Variants in INTS10 observed in about 807,000 individuals in gnomAD.
The protein encoded by INTS10 is chromosome 8 open reading frame 35.
Under a neutral mutation model 94.4 loss-of-function variants are expected in INTS10, and 44 were observed. That is an observed-to-expected ratio of 0.47 (90% CI 0.37 to 0.60). INTS10 has a LOEUF of 0.60. Ranked by LOEUF, INTS10 falls within the 20% of genes least tolerant of loss-of-function variation. INTS10 has a pLI of 0.00. For missense variants in INTS10, 797 were observed against 868.7 expected, an observed-to-expected ratio of 0.92 and a Z score of 1.04; for synonymous variants, 341 against 320.7, an observed-to-expected ratio of 1.06 and a Z score of -0.68.
chr8:19,824,141 A>G (rs866551796), intron 7 of INTS10, 97 bp downstream of exon 7: 2 of 1,027,820 alleles, frequency 1.9e-6, no homozygotes, highest in Middle Eastern at 4.7e-4. Flanking sequence ...GCGTAGGTAT[A>G]GTTTTTGGGC....
chr8:19,851,464 T>TTAAG lies in INTS10; in HGVS notation c.1977-183_1977-180dup, dbSNP rs1315048373. 6.6e-6 allele frequency among the ~76,000 whole-genome samples: 1 copy of TTAAG among 152,242 alleles called. No homozygotes were observed. The highest frequency in any genetic ancestry group is 2.4e-5 in the African/African-American group (1 of 41,468). On this transcript the variant is annotated intron_variant, in intron 16 of 16. Transcript: ENST00000397977. The surrounding 1 kb of genome is among the most constrained non-coding windows in gnomAD (Gnocchi z 5.0). ...GAGTGAGAAAGATGTCTGTCTAGTT[T>TTAAG]TAAGTCTTTCTGAAGAGAAATGGGC...
At chr8:19,848,391 C>T (rs1233333404) in intron 16 of INTS10, among the ~76,000 whole-genome samples, 1 of 152,202 alleles carries the variant, frequency 6.6e-6, no homozygotes, top group Non-Finnish European at 1.5e-5. Context: ...ATCTGTTATA[C>T]AGACCTTTTG....
chr8:19,823,194 A>T, intron 5 of INTS10, 107 bp from the exon 6 acceptor site: 2 of 809,638 alleles, frequency 2.5e-6, no homozygotes, highest in Non-Finnish European at 4.0e-6. Context: ...TTTTCCCCCT[A>T]TATATTTTAG....
rs2068328719 is a variant in INTS10 at position 19,843,710 on chromosome 8, C to T, written c.1720-366C>T. ...CTGGATGGCCTCTTGCCCACCTACT[C>T]CCATCTGCTCCCTTTCAAAGAAATC... On this transcript the variant is annotated intron_variant, in intron 14 of 16. Coordinates refer to ENST00000397977, the MANE Select transcript of INTS10 (RefSeq NM_018142.4). This position sits in a 1 kb window ranked among gnomAD's most constrained non-coding sequence, Gnocchi z 4.7. Among the ~76,000 whole-genome samples, 1 of 152,218 alleles carries T rather than the reference C, an allele frequency of 6.6e-6. No homozygotes were observed. The highest frequency in any genetic ancestry group is 2.4e-5 in the African/African-American group (1 of 41,458).
At position 19,820,391 on chromosome 8, in the gene INTS10, C is replaced by T. The variant is rs748662144; in HGVS notation, c.314C>T (p.Thr105Ile). Residue 105 changes from threonine (T) to isoleucine (I), a missense_variant, in exon 4 of 17, where the codon ACT (threonine) becomes ATT (isoleucine). Around this residue, in one of 3 missense-constraint regions of INTS10, gnomAD observed 734 missense variants for 787.8 expected, o/e 0.93. Coordinates refer to ENST00000397977, the MANE Select transcript of INTS10 (RefSeq NM_018142.4). ...ATGTTTCGTACAGGTTTATTTGAAACTCTTCCTGGTCGGGTCCAGTGTGAA... is the reference window on the plus strand; with the variant it reads ...ATGTTTCGTACAGGTTTATTTGAAATTCTTCCTGGTCGGGTCCAGTGTGAA... ...QTQFLRSLFE[T>I]LPGRVQCEML... 1 of 1,609,478 alleles carries T rather than the reference C, an allele frequency of 6.2e-7. No homozygotes were observed. Among genetic ancestry groups the T allele is most frequent in the South Asian group, 1.1e-5 (1 of 90,522 alleles).
intron 1 of INTS10, 34 bp downstream of exon 1, chr8:19,817,700 G>C (rs753494534): frequency 6.3e-7 from 1 of 1,584,132 alleles, no homozygotes; most frequent in South Asian, 1.1e-5. Flanking sequence ...GCCGCTCTGC[G>C]TGGAGGTGCG....
intron 7 of INTS10, 89 bp from the exon 8 acceptor site, chr8:19,824,714 A>C (rs555247090): frequency 2.5e-6 from 2 of 812,536 alleles, no homozygotes; most frequent in East Asian, 2.6e-5. Flanking sequence ...CATTTGGTAC[A>C]TGTAATGGTA....
At chr8:19,822,858 G>T (rs1275942516) in intron 5 of INTS10, among the ~76,000 whole-genome samples, 2 of 151,904 alleles carry the variant, frequency 1.3e-5, no homozygotes, top group Non-Finnish European at 2.9e-5. Context: ...GTTGAGGCAG[G>T]AGAGTCGCTT....
At chr8:19,831,660 C>T (rs750544780) in intron 10 of INTS10, among the ~76,000 whole-genome samples, 3 of 152,120 alleles carry the variant, frequency 2.0e-5, no homozygotes, top group Non-Finnish European at 2.9e-5. Context: ...ACTGTACTGC[C>T]AGCCTGGGTG....
intron 13 of INTS10, among the ~76,000 whole-genome samples, chr8:19,839,228 T>A (rs1445914223): frequency 6.6e-6 from 1 of 152,214 alleles, no homozygotes; most frequent in Non-Finnish European, 1.5e-5. Context: ...AAACTATTTT[T>A]TAACATCAAA....
Position 19,818,164 on chromosome 8 carries a change from G to A in INTS10, c.130-111G>A, listed in dbSNP as rs781360349. ...ATGTGGCGCTGTGTCACCAGGCGGA[G>A]CTTCACTCTCAGGCCCTCCCTTCCT... On this transcript the variant is annotated intron_variant, in intron 1 of 16. Transcript: ENST00000397977. 5.9e-6 allele frequency: 6 copies of A among 1,018,256 alleles called. No individual in the cohort carries two copies. In the African/African-American group the frequency reaches 7.9e-5, roughly 13 times the overall value. 63.1% of individuals were successfully genotyped at this position (1,018,256 alleles called of 1,614,324 possible). A position where few individuals can be genotyped will look rare whatever the true frequency, so the allele number is the denominator to read the frequency against.
intron 12 of INTS10, among the ~76,000 whole-genome samples, chr8:19,835,887 C>T (rs1470576876): frequency 6.6e-6 from 1 of 152,062 alleles, no homozygotes; most frequent in Admixed American, 6.6e-5. Flanking sequence ...GGATGTGCCA[C>T]AACATGAAAA....
intron 16 of INTS10, among the ~76,000 whole-genome samples, chr8:19,850,518 A>G (rs907925292): frequency 6.6e-6 from 1 of 152,076 alleles, no homozygotes; most frequent in Non-Finnish European, 1.5e-5. Context: ...TTGTTTTACA[A>G]TTTGGTGACT....
At chr8:19,828,645 C>G (rs534397801) in intron 9 of INTS10, among the ~76,000 whole-genome samples, 15 of 151,834 alleles carry the variant, frequency 9.9e-5, no homozygotes, top group African/African-American at 3.1e-4. Context: ...CATGTGTGTT[C>G]GTGTATGATA....
chr8:19,834,370 A>G (rs1278124666), intron 12 of INTS10, among the ~76,000 whole-genome samples: 1 of 152,224 alleles, frequency 6.6e-6, no homozygotes, highest in African/African-American at 2.4e-5. Flanking sequence ...CAATTGGAGA[A>G]TGTGTAAAGC....
intron 3 of INTS10, 64 bp downstream of exon 3, chr8:19,819,740 C>T (rs1477610201): frequency 7.8e-7 from 1 of 1,278,264 alleles, no homozygotes; most frequent in Admixed American, 1.8e-5. Flanking sequence ...TAATTTCACA[C>T]ACAAAAAAGT....
intron 15 of INTS10, 108 bp downstream of exon 15, chr8:19,844,346 T>C (rs1412952464): frequency 3.3e-6 from 3 of 900,726 alleles, no homozygotes; most frequent in African/African-American, 1.7e-5. Context: ...TTTTTACTAT[T>C]TTGCAGCGAA....
Position 19,822,528 on chromosome 8 carries a change from A to T in INTS10, c.523+8A>T, listed in dbSNP as rs1450756188. The T allele has an allele frequency of 6.6e-7, 1 of 1,517,190 alleles. No individual in the cohort carries two copies. Among genetic ancestry groups the T allele is most frequent in the East Asian group, 2.3e-5 (1 of 43,720 alleles). The allele number at this position is 1,517,190 out of a possible 1,614,324, so 94.0% of individuals were successfully genotyped here. ...GCTTTAGAAAATTATTTGGTAAGGAAAATTGTATTCTCTATTACTTCTATG... is the reference window on the plus strand; with the variant it reads ...GCTTTAGAAAATTATTTGGTAAGGATAATTGTATTCTCTATTACTTCTATG... On this transcript the variant is annotated splice_region_variant and intron_variant, in intron 5 of 16. Coordinates refer to ENST00000397977, the MANE Select transcript of INTS10 (RefSeq NM_018142.4).
At position 19,851,501 on chromosome 8, in the gene INTS10, G is replaced by A. The variant is rs1395383479; in HGVS notation, c.1977-148G>A. The A allele has an allele frequency of 1.5e-6, 1 of 680,622 alleles. No individual in the cohort carries two copies. The highest frequency in any genetic ancestry group is 2.5e-6 in the Non-Finnish European group (1 of 399,418). 42.2% of individuals were successfully genotyped at this position (680,622 alleles called of 1,614,324 possible). On this transcript the variant is annotated intron_variant, in intron 16 of 16. Coordinates refer to ENST00000397977, the MANE Select transcript of INTS10 (RefSeq NM_018142.4). This position sits in a 1 kb window ranked among gnomAD's most constrained non-coding sequence, Gnocchi z 5.0. ...GAAGAGAAATGGGCTGGAATGTTTGGTTGGTTGCAGCTATTCTTGTGTTCT... is the reference window on the plus strand; with the variant it reads ...GAAGAGAAATGGGCTGGAATGTTTGATTGGTTGCAGCTATTCTTGTGTTCT...
Sources: allele counts gnomAD v4.1 joint callset (sites outside exome capture counted in the v4.1 genomes callset), GRCh38; gene constraint gnomAD v4.1.1; regional missense constraint gnomAD v4.1.1; non-coding constraint Gnocchi (gnomAD v3.1); transcripts MANE v1.5; gene names NCBI Gene and HGNC (gene_info 2026-07-23, HGNC 2026-07-21).